The following GRIN2A variants were observed in gnomAD, a reference collection of about 807,000 sequenced individuals.
GRIN2A encodes glutamate receptor ionotropic, NMDA 2A.
GRIN2A carries 22 observed loss-of-function variants against 113.4 expected under a neutral mutation model. The ratio of observed to expected loss-of-function variants is 0.19; its 90% CI spans 0.14 to 0.28. The LOEUF (loss-of-function observed/expected upper bound fraction) is 0.28, where lower values mean the gene tolerates loss of function less well. Among genes scored for constraint, GRIN2A ranks in the 10% least tolerant of loss-of-function variants. The pLI is 1.00. For missense variants in GRIN2A, 1,502 were observed against 1,887.0 expected (o/e 0.80, Z 3.78); for synonymous variants, 827 against 738.4 (o/e 1.12, Z -1.94).
At chr16:10,030,745 A>C (rs183152253) in intron 2 of GRIN2A, among the ~76,000 whole-genome samples, 1 of 152,294 alleles carries the variant, frequency 6.6e-6, no homozygotes, top group African/African-American at 2.4e-5. Flanking sequence ...GAGTCATTAC[A>C]TAGAAACTTA....
intron 3 of GRIN2A, among the ~76,000 whole-genome samples, chr16:9,892,098 G>A (rs1336078324): frequency 3.9e-5 from 6 of 152,106 alleles, no homozygotes; most frequent in African/African-American, 1.4e-4. Flanking sequence ...GGGCATGGTG[G>A]TGCAAACCTG....
intron 2 of GRIN2A, among the ~76,000 whole-genome samples, chr16:9,977,481 G>T (rs1256020168): frequency 6.6e-6 from 1 of 152,126 alleles, no homozygotes; most frequent in Non-Finnish European, 1.5e-5. Flanking sequence ...TTCATTGCAT[G>T]CCATCTGCCA....
chr16:9,903,096 G>C (rs117885776), intron 3 of GRIN2A, among the ~76,000 whole-genome samples: 2,985 of 151,880 alleles, frequency 0.02, 80 homozygotes, highest in Non-Finnish European at 0.025. Flanking sequence ...AGCCTCTCTA[G>C]TAGCTGGGAC....
At chr16:10,074,403 C>T (rs532230337) in intron 2 of GRIN2A, among the ~76,000 whole-genome samples, 3 of 152,290 alleles carry the variant, frequency 2.0e-5, no homozygotes, top group East Asian at 3.9e-4. Context: ...GAACTGAAAA[C>T]AGATGTTCAA....
At chr16:9,902,258 A>G (rs2043943778) in intron 3 of GRIN2A, among the ~76,000 whole-genome samples, 2 of 152,186 alleles carry the variant, frequency 1.3e-5, no homozygotes, top group Admixed American at 6.5e-5. Flanking sequence ...AGAAGGTATG[A>G]TATGCATAAC....
intron 2 of GRIN2A, among the ~76,000 whole-genome samples, chr16:10,010,208 A>T (rs1261527379): frequency 1.3e-5 from 2 of 152,188 alleles, no homozygotes; most frequent in African/African-American, 4.8e-5. Flanking sequence ...TTTTATTATT[A>T]TCAAGCTGTT....
chr16:10,129,725 T>C (rs1424524575), intron 2 of GRIN2A, among the ~76,000 whole-genome samples: 1 of 152,216 alleles, frequency 6.6e-6, no homozygotes, highest in Non-Finnish European at 1.5e-5. Flanking sequence ...GCAATTGATT[T>C]TAATTCTAGG....
intron 2 of GRIN2A, among the ~76,000 whole-genome samples, chr16:9,989,996 T>C (rs1036535173): frequency 2.6e-4 from 39 of 152,272 alleles, no homozygotes; most frequent in Middle Eastern, 3.4e-3. Flanking sequence ...GAACTAAAAA[T>C]AGAATTACCA....
chr16:10,046,662 C>G (rs528649566), intron 2 of GRIN2A, among the ~76,000 whole-genome samples: 2 of 152,120 alleles, frequency 1.3e-5, no homozygotes, highest in Non-Finnish European at 2.9e-5. Flanking sequence ...ACACACACAG[C>G]TCTTAATTTC....
At chr16:10,092,330 A>T (rs886847541) in intron 2 of GRIN2A, among the ~76,000 whole-genome samples, 21 of 152,212 alleles carry the variant, frequency 1.4e-4, no homozygotes, top group Non-Finnish European at 7.3e-5. Context: ...CTCTACACTG[A>T]ATTATAAATT....
intron 2 of GRIN2A, among the ~76,000 whole-genome samples, chr16:9,963,457 G>C (rs1226355198): frequency 6.6e-6 from 1 of 151,904 alleles, no homozygotes; most frequent in African/African-American, 2.4e-5. Flanking sequence ...ACAGGCCCCA[G>C]TGTGTGATGT....
chr16:9,805,545 A>T (rs894147949), intron 10 of GRIN2A: 4 of 152,222 alleles, frequency 2.6e-5, no homozygotes, highest in African/African-American at 9.6e-5. Flanking sequence ...ATGTTTGGGC[A>T]ACTGTGGAAC....
rs915379029 is a variant in GRIN2A at position 10,178,611 on chromosome 16, C to T, written c.414+1387G>A. The stretch of plus-strand genomic sequence containing the variant: ...GACTGGGAAAATGCTCAGCTACACA[C>T]AGGAATTCTGCTAGCCTGCAAATCA... On this transcript the variant is annotated intron_variant, in intron 2 of 12. Transcript: ENST00000330684. Among the ~76,000 whole-genome samples the T allele has an allele frequency of 2.0e-5, 3 of 152,176 alleles. No homozygotes were observed. In the East Asian group the frequency reaches 5.8e-4, roughly 29 times the overall value.
intron 10 of GRIN2A, among the ~76,000 whole-genome samples, chr16:9,802,800 C>G (rs1196281688): frequency 1.3e-5 from 2 of 152,076 alleles, no homozygotes; most frequent in Non-Finnish European, 2.9e-5. Context: ...ATGTTTAGTG[C>G]AAATGAGTTG....
At chr16:9,832,294 AG>A (rs1313911874) in intron 8 of GRIN2A, among the ~76,000 whole-genome samples, 1 of 151,884 alleles carries the variant, frequency 6.6e-6, no homozygotes, top group Non-Finnish European at 1.5e-5. Context: ...AGATTATTTC[AG>A]CCTTTCTGTT....
intron 3 of GRIN2A, among the ~76,000 whole-genome samples, chr16:9,924,934 C>G (rs1034977777): frequency 6.6e-6 from 1 of 152,158 alleles, no homozygotes; most frequent in African/African-American, 2.4e-5. Context: ...GTTAGAGTTA[C>G]TCTCTATAGT....
chr16:10,169,698 C>T (rs1385472317), intron 2 of GRIN2A, among the ~76,000 whole-genome samples: 1 of 152,128 alleles, frequency 6.6e-6, no homozygotes, highest in Non-Finnish European at 1.5e-5. Context: ...ATCTGAGGCT[C>T]CTTACTAAGC....
intron 2 of GRIN2A, among the ~76,000 whole-genome samples, chr16:10,103,157 CT>C (rs148968863): frequency 4.6e-5 from 7 of 151,720 alleles, no homozygotes; most frequent in East Asian, 1.9e-4. Flanking sequence ...GCAACAGCAA[CT>C]TTTTTTTTAA....
intron 2 of GRIN2A, among the ~76,000 whole-genome samples, chr16:9,973,512 T>C (rs912091961): frequency 6.6e-6 from 1 of 152,052 alleles, no homozygotes; most frequent in African/African-American, 2.4e-5. Flanking sequence ...GGAAAAAATA[T>C]TGAAGAATAA....
Sources: gnomAD v4.1 joint callset for allele counts (sites outside exome capture counted in the v4.1 genomes callset) on GRCh38, gnomAD v4.1.1 for gene constraint, MANE v1.5 for transcripts, NCBI Gene and HGNC (gene_info 2026-07-23, HGNC 2026-07-21) for gene names.